Variants in ARHGEF11 observed in about 807,000 individuals in gnomAD.
ARHGEF11 encodes the protein Rho guanine nucleotide exchange factor 11.
ARHGEF11 carries 55 observed loss-of-function variants against 193.7 expected under a neutral mutation model. That is an observed-to-expected ratio of 0.28 (90% CI 0.23 to 0.36). The LOEUF (loss-of-function observed/expected upper bound fraction) is 0.36. ARHGEF11 is among the 10% of genes least tolerant of loss of function. The pLI is 1.00. For synonymous variants in ARHGEF11, 693 were observed against 768.0 expected (o/e 0.90, Z 1.62); for missense variants, 1,723 against 2,005.6 (o/e 0.86, Z 2.69).
intron 1 of ARHGEF11, among the ~76,000 whole-genome samples, chr1:156,987,497 A>G (rs749715148): frequency 6.6e-6 from 1 of 152,242 alleles, no homozygotes; most frequent in Non-Finnish European, 1.5e-5. Context: ...ATATCCAAAA[A>G]TATCTAAAAT....
chr1:156,952,236 G>A (rs571304406), intron 21 of ARHGEF11, among the ~76,000 whole-genome samples: 47 of 152,216 alleles, frequency 3.1e-4, no homozygotes, highest in African/African-American at 1.1e-3. Context: ...ACCGTAAGAG[G>A]TGACCTAGGA....
At chr1:156,995,602 C>G (rs961507904) in intron 1 of ARHGEF11, among the ~76,000 whole-genome samples, 7 of 150,374 alleles carry the variant, frequency 4.7e-5, no homozygotes, top group African/African-American at 1.5e-4. Context: ...GTTGCCCAGG[C>G]TGGAGTGCAG....
intron 29 of ARHGEF11, 132 bp from the exon 30 acceptor site, chr1:156,945,329 A>G: frequency 2.0e-6 from 2 of 991,654 alleles, no homozygotes; most frequent in South Asian, 3.2e-5. Context: ...GAGGGGAGCC[A>G]CCCTTGCCTC....
intron 3 of ARHGEF11, 85 bp from the exon 4 acceptor site, chr1:156,980,571 C>G: frequency 1.4e-6 from 2 of 1,426,592 alleles, no homozygotes; most frequent in Non-Finnish European, 1.9e-6. Flanking sequence ...CACCTCTCCT[C>G]TGAAATTTCC....
intron 1 of ARHGEF11, among the ~76,000 whole-genome samples, chr1:156,990,435 A>G (rs907741398): frequency 3.9e-5 from 6 of 152,166 alleles, no homozygotes; most frequent in African/African-American, 1.4e-4. Flanking sequence ...CTGTGGGATG[A>G]TATTTTGAGA....
At chr1:156,971,077 T>G (rs1340457970) in intron 8 of ARHGEF11, among the ~76,000 whole-genome samples, 1 of 152,218 alleles carries the variant, frequency 6.6e-6, no homozygotes, top group Non-Finnish European at 1.5e-5. Flanking sequence ...CCTTAAAGTT[T>G]CTGGAGAGTT....
At chr1:156,952,722 C>CCT (rs1331054325) in intron 21 of ARHGEF11, among the ~76,000 whole-genome samples, 1 of 152,264 alleles carries the variant, frequency 6.6e-6, no homozygotes, top group Non-Finnish European at 1.5e-5. Context: ...AACTTGACAG[C>CCT]CTTTAGGCAA....
chr1:157,023,260 A>G (rs1478151922), intron 1 of ARHGEF11, among the ~76,000 whole-genome samples: 3 of 152,250 alleles, frequency 2.0e-5, no homozygotes, highest in Non-Finnish European at 2.9e-5. Flanking sequence ...TCTAGTATAC[A>G]GAATCTATAA....
In ARHGEF11 at chr1:156,952,624, C is replaced by A. The variant is rs557654222; in HGVS notation, c.1799-925G>T. On this transcript the variant is annotated intron_variant, in intron 21 of 40. Transcript: ENST00000368194. ...TCTGACATCTACATATACAAACTTACAAATCTGTCTCAAAATCTGACTTTC... is the reference window on the plus strand; with the variant it reads ...TCTGACATCTACATATACAAACTTAAAAATCTGTCTCAAAATCTGACTTTC... Among the ~76,000 whole-genome samples, 3 of 152,350 alleles carry A rather than the reference C, an allele frequency of 2.0e-5. No individual in the cohort carries two copies. The South Asian group carries it at 6.2e-4, about 32-fold the overall frequency.
intron 1 of ARHGEF11, among the ~76,000 whole-genome samples, chr1:156,995,060 ACCT>A (rs1329058625): frequency 6.6e-6 from 1 of 151,888 alleles, no homozygotes; most frequent in Non-Finnish European, 1.5e-5. Context: ...TACTGATATG[ACCT>A]CCTAACATTT....
chr1:157,004,841 T>C (rs1667632900), intron 1 of ARHGEF11, among the ~76,000 whole-genome samples: 1 of 151,708 alleles, frequency 6.6e-6, no homozygotes, highest in African/African-American at 2.4e-5. Flanking sequence ...AACGTAAAAA[T>C]AAAAGGAATC....
intron 1 of ARHGEF11, among the ~76,000 whole-genome samples, chr1:157,014,980 G>T (rs1270031444): frequency 6.6e-6 from 1 of 152,066 alleles, no homozygotes; most frequent in Non-Finnish European, 1.5e-5. Context: ...CTCTCTAGGG[G>T]ACAACACAGC....
At position 157,003,102 on chromosome 1, in the gene ARHGEF11, A is replaced by G. The variant is rs6665468; in HGVS notation, c.33-16929T>C. On this transcript the variant is annotated intron_variant, in intron 1 of 40. Coordinates refer to ENST00000368194, the MANE Select transcript of ARHGEF11 (RefSeq NM_198236.3). ...TTCATATTAGCCATTCTTATGTATT[A>G]CATTTAATCCTCACAACAACCTCAT... is the stretch of plus-strand genomic sequence containing the variant. Among the ~76,000 whole-genome samples the G allele has an allele frequency of 2.3e-3, 357 of 152,370 alleles. 2 individuals carry two copies. The highest frequency in any genetic ancestry group is 8.3e-3 in the African/African-American group (345 of 41,584).
chr1:157,037,035 T>C (rs1421810225), intron 1 of ARHGEF11, among the ~76,000 whole-genome samples: 1 of 151,996 alleles, frequency 6.6e-6, no homozygotes, highest in Non-Finnish European at 1.5e-5. Flanking sequence ...GGCTGAGGCA[T>C]GAGAATTGCT....
At chr1:156,964,979 A>G (rs1248839338) in intron 11 of ARHGEF11, among the ~76,000 whole-genome samples, 1 of 152,212 alleles carries the variant, frequency 6.6e-6, no homozygotes, top group East Asian at 1.9e-4. Flanking sequence ...TATGCTTATT[A>G]TTAAAAAGAT....
upstream of ARHGEF11, among the ~76,000 whole-genome samples, chr1:157,046,520 T>A (rs1285823169): frequency 6.6e-6 from 1 of 152,178 alleles, no homozygotes; most frequent in Non-Finnish European, 1.5e-5. Flanking sequence ...TTCTTTTAAC[T>A]GTTTCCTCCC....
chr1:157,020,885 A>G (rs1347431483), intron 1 of ARHGEF11, among the ~76,000 whole-genome samples: 5 of 152,252 alleles, frequency 3.3e-5, no homozygotes, highest in Non-Finnish European at 5.9e-5. Context: ...GAGAATTTAA[A>G]AGCATTCATT....
intron 8 of ARHGEF11, among the ~76,000 whole-genome samples, chr1:156,970,785 A>G (rs74116946): frequency 0.017 from 2,610 of 152,270 alleles, 51 homozygotes; most frequent in African/African-American, 0.047. Flanking sequence ...TGTGATCTCC[A>G]TTTTATAAAT....
intron 1 of ARHGEF11, among the ~76,000 whole-genome samples, chr1:157,015,087 T>C (rs1398303503): frequency 1.3e-5 from 2 of 152,218 alleles, no homozygotes; most frequent in African/African-American, 2.4e-5. Context: ...GTAGGAATTC[T>C]GGCAATCAAT....
Sources: allele counts gnomAD v4.1 joint callset (sites outside exome capture counted in the v4.1 genomes callset), GRCh38; gene constraint gnomAD v4.1.1; transcripts MANE v1.5; gene names NCBI Gene and HGNC (gene_info 2026-07-23, HGNC 2026-07-21).